Variants in PDCD6 observed in about 807,000 individuals in gnomAD.
The protein encoded by PDCD6 is programmed cell death protein 6.
Under a neutral mutation model 28.3 loss-of-function variants are expected in PDCD6, and 12 were observed. The ratio of observed to expected loss-of-function variants is 0.42; its 90% confidence interval spans 0.27 to 0.69. PDCD6 has a LOEUF of 0.69. PDCD6 is among the 30% of genes least tolerant of loss of function. PDCD6 has a pLI of 0.22. For missense variants in PDCD6, 226 were observed against 269.9 expected (o/e 0.84, Z 1.14); for synonymous variants, 92 against 108.0 (o/e 0.85, Z 0.92).
Position 272,636 on chromosome 5 carries a change from G to A in PDCD6, c.102-75G>A, listed in dbSNP as rs983969682. The A allele has an allele frequency of 3.9e-5, 60 of 1,526,212 alleles. 3 individuals are homozygous for A. The highest frequency in any genetic ancestry group is 5.0e-5 in the Non-Finnish European group (57 of 1,131,338). The allele number at this position is 1,526,212 out of a possible 1,614,324, so 94.5% of individuals were successfully genotyped here. On this transcript the variant is annotated intron_variant, in intron 1 of 5. Transcript: ENST00000264933. Reference sequence around the variant, plus strand: ...AGGGAGCCTTCCAGAGTCGGTGCAGGGTTGACAGAAGACGTTTGTTTTGCT... The same window carrying A: ...AGGGAGCCTTCCAGAGTCGGTGCAGAGTTGACAGAAGACGTTTGTTTTGCT...
intron 2 of PDCD6, among the ~76,000 whole-genome samples, chr5:284,693 C>T (rs1271670492): frequency 6.7e-6 from 1 of 149,304 alleles, no homozygotes; most frequent in African/African-American, 2.5e-5. Flanking sequence ...GTCCATGCAG[C>T]TGGAGACCCA....
intron 2 of PDCD6, among the ~76,000 whole-genome samples, chr5:294,022 G>A (rs1349127412): frequency 6.7e-6 from 1 of 148,384 alleles, no homozygotes; most frequent in Non-Finnish European, 1.5e-5. Context: ...GACGGAGAAA[G>A]GTATGGCCAT....
chr5:278,794 G>C (rs1161409925), intron 2 of PDCD6, among the ~76,000 whole-genome samples: 6 of 147,684 alleles, frequency 4.1e-5, no homozygotes, highest in Non-Finnish European at 3.0e-5. Context: ...ACACAGGGGA[G>C]GGTGCTGGGG....
At chr5:293,204 A>G (rs981902569) in intron 2 of PDCD6, among the ~76,000 whole-genome samples, 10 of 152,216 alleles carry the variant, frequency 6.6e-5, no homozygotes, top group Non-Finnish European at 1.3e-4. Flanking sequence ...GCACTAAGAC[A>G]TGCCCTGAAA....
chr5:282,679 G>C (rs893241783), intron 2 of PDCD6, among the ~76,000 whole-genome samples: 1 of 152,064 alleles, frequency 6.6e-6, no homozygotes, highest in Non-Finnish European at 1.5e-5. Context: ...TGTTTGCATT[G>C]AGTCTTTCAG....
chr5:284,806 G>A (rs1396178642), intron 2 of PDCD6, among the ~76,000 whole-genome samples: 3 of 150,140 alleles, frequency 2.0e-5, no homozygotes, highest in African/African-American at 7.4e-5. Flanking sequence ...CAGTTTGAGG[G>A]CCATACAACT....
chr5:277,112 A>G (rs1738245044), intron 2 of PDCD6, among the ~76,000 whole-genome samples: 1 of 152,046 alleles, frequency 6.6e-6, no homozygotes, highest in Admixed American at 6.6e-5. Context: ...TAATTCTTAC[A>G]TTCGTTTGAA....
intron 4 of PDCD6, chr5:309,144 T>C (rs1430783313): frequency 6.6e-6 from 1 of 152,272 alleles, no homozygotes; most frequent in Non-Finnish European, 1.5e-5. Flanking sequence ...GCAGCTGGTT[T>C]GTCCTCCGAG....
At chr5:290,720 T>G (rs562205636) in intron 2 of PDCD6, among the ~76,000 whole-genome samples, 11 of 152,368 alleles carry the variant, frequency 7.2e-5, no homozygotes, top group African/African-American at 2.2e-4. Flanking sequence ...CACAGCCTGG[T>G]GATGCAGCAG....
chr5:284,856 G>A (rs1427896424), intron 2 of PDCD6, among the ~76,000 whole-genome samples: 3 of 149,354 alleles, frequency 2.0e-5, no homozygotes, highest in African/African-American at 4.9e-5. Flanking sequence ...TTTCAGGGCC[G>A]TGCAGCTGGA....
chr5:274,525 C>T (rs534502611), intron 2 of PDCD6, among the ~76,000 whole-genome samples: 33 of 152,302 alleles, frequency 2.2e-4, no homozygotes, highest in African/African-American at 7.2e-4. Context: ...ATTCCTGGCA[C>T]GGAGCAAGTG....
intron 1 of PDCD6, among the ~76,000 whole-genome samples, chr5:272,257 G>T (rs1452491392): frequency 9.3e-6 from 1 of 107,522 alleles, no homozygotes; most frequent in Non-Finnish European, 2.0e-5. Flanking sequence ...GACTGCCTGG[G>T]CGCTGTTAAA....
rs73730799 is a variant in PDCD6 at position 286,904 on chromosome 5, C to T, written c.163+14132C>T. 9.8e-3 allele frequency among the ~76,000 whole-genome samples: 1,496 copies of T among 151,968 alleles called. 20 individuals are homozygous for T. The highest frequency in any genetic ancestry group is 0.033 in the African/African-American group (1,378 of 41,416). On this transcript the variant is annotated intron_variant, in intron 2 of 5. Coordinates refer to ENST00000264933, the MANE Select transcript of PDCD6 (RefSeq NM_013232.4). ...CTTAGGTTGTGGAGCTGGAAACTCG[C>T]GGAGGAGTCGGTATTAGTGTTTCTA...
At chr5:279,819 G>C (rs1322282330) in intron 2 of PDCD6, among the ~76,000 whole-genome samples, 1 of 149,686 alleles carries the variant, frequency 6.7e-6, no homozygotes, top group African/African-American at 2.5e-5. Context: ...AGGAGCCGGT[G>C]CTGCAGTTCA....
In PDCD6 at chr5:306,593, CTG is replaced by C; in HGVS notation, c.209-7_209-6del. On this transcript the variant is annotated splice_polypyrimidine_tract_variant and splice_region_variant and intron_variant, in intron 3 of 5. Coordinates refer to ENST00000264933, the MANE Select transcript of PDCD6 (RefSeq NM_013232.4). Reference sequence around the variant, plus strand: ...TCTTTTGCTGCTTGACCGTTCCTCTCTGTCTCAGCCATGTTTGACCGTGAGAA... The same window carrying C: ...TCTTTTGCTGCTTGACCGTTCCTCTCTCTCAGCCATGTTTGACCGTGAGAA... 6.2e-7 allele frequency: 1 copy of C among 1,612,206 alleles called. No homozygotes were observed. The highest frequency in any genetic ancestry group is 8.5e-7 in the Non-Finnish European group (1 of 1,178,680).
At chr5:295,507 G>A (rs1458742367) in intron 2 of PDCD6, among the ~76,000 whole-genome samples, 1 of 147,930 alleles carries the variant, frequency 6.8e-6, no homozygotes, top group South Asian at 2.2e-4. Flanking sequence ...TCACAAGGTT[G>A]TGGTGAAGGA....
chr5:311,591 T>C, intron 5 of PDCD6, 189 bp downstream of exon 5: 1 of 576,332 alleles, frequency 1.7e-6, no homozygotes, highest in Admixed American at 3.1e-5. Flanking sequence ...TTTCCTCCCC[T>C]TGGAAATGGC....
intron 2 of PDCD6, among the ~76,000 whole-genome samples, chr5:283,687 C>T (rs1218930283): frequency 7.6e-6 from 1 of 131,398 alleles, no homozygotes; most frequent in South Asian, 2.4e-4. Flanking sequence ...GCAGCTGAAG[C>T]CTCAGGGAGG....
intron 2 of PDCD6, among the ~76,000 whole-genome samples, chr5:299,241 TC>T (rs1260469957): frequency 4.8e-5 from 2 of 41,940 alleles, no homozygotes; most frequent in East Asian, 8.5e-4. Flanking sequence ...CCTCCGCTGC[TC>T]CCCCCCAGCT....
Sources: gnomAD v4.1 joint callset for allele counts (sites outside exome capture counted in the v4.1 genomes callset) on GRCh38, gnomAD v4.1.1 for gene constraint, MANE v1.5 for transcripts, NCBI Gene and HGNC (gene_info 2026-07-23, HGNC 2026-07-21) for gene names.